The following AFF3 variants were observed in gnomAD, a reference collection of about 807,000 sequenced individuals.
AFF3 encodes AF4/FMR2 family member 3.
AFF3 carries 32 observed loss-of-function variants against 129.7 expected under a neutral mutation model. That is an observed-to-expected ratio of 0.25 (90% CI 0.19 to 0.33). The LOEUF (loss-of-function observed/expected upper bound fraction) is 0.33. AFF3 is among the 10% of genes least tolerant of loss of function. The probability of loss-of-function intolerance (pLI) is 1.00; values close to 1 mark genes in which losing one functional copy is unlikely to be tolerated. For synonymous variants in AFF3, 644 were observed against 635.4 expected (o/e 1.01, Z -0.20); for missense variants, 1,373 against 1,592.0 (o/e 0.86, Z 2.34).
At chr2:100,071,525 G>A (rs944559134) in intron 4 of AFF3, among the ~76,000 whole-genome samples, 2 of 152,118 alleles carry the variant, frequency 1.3e-5, no homozygotes, top group Non-Finnish European at 2.9e-5. Context: ...CACGAAACAC[G>A]TCGGGAGAGA....
At chr2:99,973,900 TAA>T (rs1329304499) in intron 7 of AFF3, among the ~76,000 whole-genome samples, 5 of 152,240 alleles carry the variant, frequency 3.3e-5, no homozygotes, top group East Asian at 1.9e-4. Flanking sequence ...ATTTCAGTAA[TAA>T]GAGTCCTGCC....
chr2:99,962,033 C>T (rs1287818506), intron 7 of AFF3, among the ~76,000 whole-genome samples: 1 of 152,060 alleles, frequency 6.6e-6, no homozygotes, highest in Admixed American at 6.5e-5. Context: ...CCTACCAGGC[C>T]TCAGAAACAT....
At chr2:99,774,398 A>T (rs574731544) in intron 8 of AFF3, among the ~76,000 whole-genome samples, 1 of 152,332 alleles carries the variant, frequency 6.6e-6, no homozygotes, top group Admixed American at 6.5e-5. Flanking sequence ...ACAGACATAC[A>T]GACCAATGGA....
intron 12 of AFF3, among the ~76,000 whole-genome samples, chr2:99,656,113 T>C (rs1685726213): frequency 6.6e-6 from 1 of 152,220 alleles, no homozygotes; most frequent in African/African-American, 2.4e-5. Flanking sequence ...GCCTACAAGA[T>C]GTTTCAGTGG....
intron 7 of AFF3, among the ~76,000 whole-genome samples, chr2:99,929,860 C>T (rs1470587459): frequency 1.3e-5 from 2 of 150,768 alleles, no homozygotes; most frequent in East Asian, 2.0e-4. Flanking sequence ...TACAGTTTGA[C>T]ATGTTCAGTG....
chr2:99,743,374 T>C (rs896385015), intron 10 of AFF3, among the ~76,000 whole-genome samples: 2 of 152,248 alleles, frequency 1.3e-5, no homozygotes, highest in Non-Finnish European at 2.9e-5. Context: ...AGTCTTCAAA[T>C]GCAGCTTTGT....
At chr2:99,740,373 C>T (rs1481745342) in intron 10 of AFF3, among the ~76,000 whole-genome samples, 1 of 151,476 alleles carries the variant, frequency 6.6e-6, no homozygotes, top group Non-Finnish European at 1.5e-5. Flanking sequence ...TTCTAGATCC[C>T]TGAGGAATCG....
intron 11 of AFF3, among the ~76,000 whole-genome samples, chr2:99,692,776 T>G (rs1675807332): frequency 6.6e-6 from 1 of 152,208 alleles, no homozygotes; most frequent in African/African-American, 2.4e-5. Context: ...ACTGAGATGA[T>G]GCATTAAACT....
chr2:100,001,494 T>A (rs1681408545), intron 7 of AFF3, among the ~76,000 whole-genome samples: 1 of 152,262 alleles, frequency 6.6e-6, no homozygotes, highest in Non-Finnish European at 1.5e-5. Flanking sequence ...AGTGGCATGA[T>A]CTCGTCTCAC....
intron 8 of AFF3, 87 bp downstream of exon 8, chr2:99,837,390 G>A: frequency 7.8e-7 from 1 of 1,277,442 alleles, no homozygotes; most frequent in Non-Finnish European, 1.1e-6. Context: ...CAGACTATGG[G>A]CTCCTTTATC....
At chr2:99,635,593 C>T (rs1266580514) in intron 13 of AFF3, among the ~76,000 whole-genome samples, 1 of 152,172 alleles carries the variant, frequency 6.6e-6, no homozygotes, top group African/African-American at 2.4e-5. Context: ...TGAGCTACCA[C>T]ATCTGGCCAA....
At chr2:99,577,674 C>G (rs559258470) in intron 18 of AFF3, among the ~76,000 whole-genome samples, 1 of 152,204 alleles carries the variant, frequency 6.6e-6, no homozygotes, top group Non-Finnish European at 1.5e-5. Context: ...ATTTTCCCTA[C>G]GAGCCGAAAT....
At chr2:99,691,399 G>A (rs573206202) in intron 11 of AFF3, among the ~76,000 whole-genome samples, 1 of 152,338 alleles carries the variant, frequency 6.6e-6, no homozygotes, top group Non-Finnish European at 1.5e-5. Flanking sequence ...AGCATTCAGA[G>A]TTGCTGATGC....
intron 8 of AFF3, among the ~76,000 whole-genome samples, chr2:99,807,724 G>T (rs1447768461): frequency 6.6e-6 from 1 of 152,190 alleles, no homozygotes; most frequent in Non-Finnish European, 1.5e-5. Flanking sequence ...TTAGCAGGGG[G>T]ACCAGGCACA....
chr2:99,632,242 T>C (rs1017725698), intron 13 of AFF3, among the ~76,000 whole-genome samples: 1 of 152,134 alleles, frequency 6.6e-6, no homozygotes, highest in Non-Finnish European at 1.5e-5. Flanking sequence ...CTTGAACTCC[T>C]GGCCTCAGGT....
intron 4 of AFF3, among the ~76,000 whole-genome samples, chr2:100,037,843 C>T (rs139273517): frequency 0.017 from 2,275 of 136,908 alleles, 30 homozygotes; most frequent in Non-Finnish European, 0.028. Context: ...TATCTATTTA[C>T]AAATAAACAT....
At chr2:99,774,742 C>T (rs145552750) in intron 8 of AFF3, among the ~76,000 whole-genome samples, 345 of 152,004 alleles carry the variant, frequency 2.3e-3, no homozygotes, top group African/African-American at 7.8e-3. Context: ...AATTGACAAA[C>T]GGGATCTAAT....
At chr2:99,897,076 C>T (rs569828469) in intron 7 of AFF3, among the ~76,000 whole-genome samples, 6 of 152,010 alleles carry the variant, frequency 3.9e-5, no homozygotes, top group Non-Finnish European at 8.8e-5. Flanking sequence ...ATTGTGAAGG[C>T]TTTTTAAAAA....
At chr2:99,563,471 T>C (rs1300842377) in intron 20 of AFF3, among the ~76,000 whole-genome samples, 1 of 151,138 alleles carries the variant, frequency 6.6e-6, no homozygotes, top group Non-Finnish European at 1.5e-5. Flanking sequence ...ATTACAGGCG[T>C]GAGCCACCGC....
Sources: gnomAD v4.1 joint callset for allele counts (sites outside exome capture counted in the v4.1 genomes callset) on GRCh38, gnomAD v4.1.1 for gene constraint, MANE v1.5 for transcripts, NCBI Gene and HGNC (gene_info 2026-07-23, HGNC 2026-07-21) for gene names.